Variants in BNC2 observed in about 807,000 individuals in gnomAD.
The protein encoded by BNC2 is basonuclin zinc finger protein 2.
A neutral mutation model predicts 76.3 loss-of-function variants in BNC2; 20 were observed. The observed-to-expected ratio is 0.26, with a 90% CI of 0.18 to 0.38. The LOEUF is 0.38. BNC2 is among the 10% of genes least tolerant of loss of function. BNC2 has a pLI of 1.00. For synonymous variants in BNC2, 582 were observed against 514.8 expected (o/e 1.13, Z -1.77); for missense variants, 1,382 against 1,399.8 (o/e 0.99, Z 0.20).
At chr9:16,835,364 T>C (rs750314485) in intron 1 of BNC2, among the ~76,000 whole-genome samples, 1 of 152,178 alleles carries the variant, frequency 6.6e-6, no homozygotes, top group African/African-American at 2.4e-5. Context: ...ATTATCCTTA[T>C]TTGATAGAGA....
At chr9:16,599,919 A>C (rs545454593) in intron 3 of BNC2, among the ~76,000 whole-genome samples, 1 of 152,224 alleles carries the variant, frequency 6.6e-6, no homozygotes, top group Non-Finnish European at 1.5e-5. Context: ...ACAAGCCAAT[A>C]TATTATCGGA....
intron 1 of BNC2, among the ~76,000 whole-genome samples, chr9:16,756,860 A>G (rs939077516): frequency 2.0e-5 from 3 of 152,004 alleles, no homozygotes; most frequent in African/African-American, 4.8e-5. Flanking sequence ...GCATGGTGGC[A>G]GGTGCCTGTA....
intron 1 of BNC2, among the ~76,000 whole-genome samples, chr9:16,740,301 G>C (rs149803163): frequency 6.6e-6 from 1 of 152,320 alleles, no homozygotes; most frequent in Non-Finnish European, 1.5e-5. Context: ...TCAGAATAGT[G>C]CTTAAGGATG....
At chr9:16,807,809 T>C (rs1011596057) in intron 1 of BNC2, among the ~76,000 whole-genome samples, 10 of 152,218 alleles carry the variant, frequency 6.6e-5, no homozygotes, top group African/African-American at 2.2e-4. Context: ...TATCTTTCTG[T>C]CTAGAATGCC....
intron 1 of BNC2, among the ~76,000 whole-genome samples, chr9:16,782,791 C>G (rs749945983): frequency 2.0e-5 from 3 of 152,194 alleles, no homozygotes; most frequent in Non-Finnish European, 4.4e-5. Context: ...AAACGTCTAC[C>G]TTTTGTTCAC....
At chr9:16,539,622 G>A (rs1482894569) in intron 5 of BNC2, among the ~76,000 whole-genome samples, 2 of 59,394 alleles carry the variant, frequency 3.4e-5, no homozygotes, top group African/African-American at 1.6e-4. Flanking sequence ...GAGAGAGAAG[G>A]GAGGGAGGGA....
chr9:16,689,074 C>A (rs970889443), intron 3 of BNC2, among the ~76,000 whole-genome samples: 1 of 144,190 alleles, frequency 6.9e-6, no homozygotes, highest in Non-Finnish European at 1.5e-5. Flanking sequence ...AACATATTTT[C>A]TGTGGGGCAG....
chr9:16,520,859 G>A (rs1817595512), intron 5 of BNC2, among the ~76,000 whole-genome samples: 1 of 152,310 alleles, frequency 6.6e-6, no homozygotes, highest in African/African-American at 2.4e-5. Flanking sequence ...TATGGCACAA[G>A]CATAGCTTTA....
intron 5 of BNC2, among the ~76,000 whole-genome samples, chr9:16,525,978 T>A (rs1284952929): frequency 6.6e-6 from 1 of 152,186 alleles, no homozygotes; most frequent in Non-Finnish European, 1.5e-5. Flanking sequence ...ATCCTTGAAC[T>A]TATGACTAAA....
At chr9:16,464,713 C>T (rs761174670) in intron 5 of BNC2, among the ~76,000 whole-genome samples, 4 of 152,090 alleles carry the variant, frequency 2.6e-5, no homozygotes, top group African/African-American at 4.8e-5. Flanking sequence ...CCTGCCACCA[C>T]GCCTGGCTAA....
chr9:16,436,564 G>A lies in BNC2; in HGVS notation c.1630C>T (p.Pro544Ser). ...PGRPPMGFTT[P>S]PLDPVLQNPL... ...TTTTGCAAGACAGGGTCTAGAGGGG[G>A]AGTGGTAAAACCCATTGGGGGTCGG... Residue 544 changes from proline (P) to serine (S), a missense_variant, in exon 6 of 7, where the codon CCC (proline) becomes TCC (serine). Around this residue, in one of 3 missense-constraint regions of BNC2, gnomAD observed 798 missense variants for 775.5 expected, o/e 1.03. Coordinates refer to ENST00000380672, the MANE Select transcript of BNC2 (RefSeq NM_017637.6). The A allele has an allele frequency of 2.5e-6, 4 of 1,614,096 alleles. No homozygotes were observed. In the South Asian group the frequency reaches 3.3e-5, roughly 13 times the overall value.
At chr9:16,740,990 C>T (rs1824831594) in intron 1 of BNC2, among the ~76,000 whole-genome samples, 1 of 152,140 alleles carries the variant, frequency 6.6e-6, no homozygotes. Context: ...AAACTGTACA[C>T]TTCTTAAAAG....
At chr9:16,689,503 A>AT (rs1823087968) in intron 3 of BNC2, among the ~76,000 whole-genome samples, 4 of 152,156 alleles carry the variant, frequency 2.6e-5, no homozygotes, top group Non-Finnish European at 4.4e-5. Flanking sequence ...TAAACAAACT[A>AT]ACTTCCATGT....
chr9:16,499,112 T>C (rs567751411), intron 5 of BNC2, among the ~76,000 whole-genome samples: 14 of 152,320 alleles, frequency 9.2e-5, no homozygotes, highest in Admixed American at 5.9e-4. Context: ...CTAATGATTA[T>C]AGTTAAAATA....
rs920147527 is a variant in BNC2, at chr9:16,418,816, CTTGT to C, written c.*169_*172del. 3.0e-5 allele frequency: 22 copies of C among 734,934 alleles called. No individual in the cohort carries two copies. The highest frequency in any genetic ancestry group is 7.3e-5 in the South Asian group (4 of 55,090). The allele number at this position is 734,934 out of a possible 1,614,324, so 45.5% of individuals were successfully genotyped here. On this transcript the variant is annotated 3_prime_UTR_variant, in exon 7 of 7. Transcript: ENST00000380672. ...AAATTCAAAAGCACCTAGTGTTTAT[CTTGT>C]TTATCTCAAGGAAATACGTGTGTGT...
At chr9:16,736,683 T>G (rs138039912) in intron 2 of BNC2, among the ~76,000 whole-genome samples, 1,851 of 151,572 alleles carry the variant, frequency 0.012, 45 homozygotes, top group African/African-American at 0.041. Flanking sequence ...AACATGTTGG[T>G]CAGGCTGGTC....
At chr9:16,598,614 T>C (rs1820159168) in intron 3 of BNC2, among the ~76,000 whole-genome samples, 2 of 152,210 alleles carry the variant, frequency 1.3e-5, no homozygotes, top group South Asian at 4.1e-4. Context: ...TAAGTCCACA[T>C]GCCTTACTAT....
At chr9:16,672,977 T>G (rs975776958) in intron 3 of BNC2, among the ~76,000 whole-genome samples, 1 of 152,288 alleles carries the variant, frequency 6.6e-6, no homozygotes, top group Middle Eastern at 3.4e-3. Context: ...AAATCCTGAA[T>G]CAAATAGTAA....
chr9:16,780,556 G>A (rs1826123952), intron 1 of BNC2, among the ~76,000 whole-genome samples: 1 of 147,740 alleles, frequency 6.8e-6, no homozygotes, highest in South Asian at 2.3e-4. Context: ...TGGCGACAGG[G>A]CAAGACTCCG....
Sources: allele counts gnomAD v4.1 joint callset (sites outside exome capture counted in the v4.1 genomes callset), GRCh38; gene constraint gnomAD v4.1.1; regional missense constraint gnomAD v4.1.1; transcripts MANE v1.5; gene names NCBI Gene and HGNC (gene_info 2026-07-23, HGNC 2026-07-21).